The following ATP2C2 variants were observed in gnomAD, a reference collection of about 807,000 sequenced individuals.
The protein encoded by ATP2C2 is ATPase secretory pathway Ca2+ transporting 2, also known as calcium-transporting ATPase type 2C member 2.
In ATP2C2, 171 loss-of-function variants were observed where a neutral mutation model predicts 110.8. That is an observed-to-expected ratio of 1.54 (90% CI 1.36 to 1.75). The LOEUF (loss-of-function observed/expected upper bound fraction) is 1.75, where lower values mean the gene tolerates loss of function less well. ATP2C2 is among the 40% of genes most tolerant of loss of function. The pLI is 0.00. For synonymous variants in ATP2C2, 804 were observed against 508.4 expected, an observed-to-expected ratio of 1.58 and a Z score of -7.82; for missense variants, 1,963 against 1,235.0, an observed-to-expected ratio of 1.59 and a Z score of -8.84.
chr16:84,397,911 C>T (rs766692697), intron 1 of ATP2C2, among the ~76,000 whole-genome samples: 3 of 151,746 alleles, frequency 2.0e-5, no homozygotes, highest in Non-Finnish European at 4.4e-5. Flanking sequence ...GGCACCATTT[C>T]CATAAAGTTC....
intron 6 of ATP2C2, among the ~76,000 whole-genome samples, chr16:84,411,543 G>C (rs1461852974): frequency 6.6e-6 from 1 of 152,144 alleles, no homozygotes; most frequent in African/African-American, 2.4e-5. Flanking sequence ...CTGGGTTCAA[G>C]CAGTTCTCCT....
chr16:84,459,753 G>A lies in ATP2C2; in HGVS notation c.2333+367G>A, dbSNP rs145418686. 1.7e-5 allele frequency: 11 copies of A among 631,036 alleles called. No individual in the cohort carries two copies. In the East Asian group the frequency reaches 3.1e-4, roughly 18 times the overall value. The allele number at this position is 631,036 out of a possible 1,614,324, so 39.1% of individuals were successfully genotyped here. ...CCTCACCCTGCTGTATTTTTCCCTA[G>A]AGAGGAAGATACACACAGACACACT... is the stretch of plus-strand genomic sequence containing the variant. On this transcript the variant is annotated intron_variant, in intron 23 of 26. Transcript: ENST00000262429.
At chr16:84,409,802 C>T (rs1489525296) in intron 4 of ATP2C2, among the ~76,000 whole-genome samples, 2 of 152,184 alleles carry the variant, frequency 1.3e-5, no homozygotes, top group Non-Finnish European at 2.9e-5. Context: ...TGTGCCTGGC[C>T]TGAGCACCTT....
chr16:84,448,508 ATTTCT>A lies in ATP2C2; in HGVS notation c.1504-23_1504-19del. The A allele has an allele frequency of 6.3e-7, 1 of 1,595,218 alleles. No individual in the cohort carries two copies. The highest frequency in any genetic ancestry group is 8.6e-7 in the Non-Finnish European group (1 of 1,167,270). The stretch of plus-strand genomic sequence containing the variant: ...GAACCAAGGCTTCCAGTGATAGTGG[ATTTCT>A]TCCCTTTGTCTTTTCTAAGGATCAG... On this transcript the variant is annotated intron_variant, in intron 16 of 26. Transcript: ENST00000262429.
chr16:84,410,634 A>G, intron 5 of ATP2C2, 31 bp downstream of exon 5: 1 of 1,613,852 alleles, frequency 6.2e-7, no homozygotes, highest in South Asian at 1.1e-5. Flanking sequence ...CAGTCAGGGT[A>G]AGCTGGGCGG....
intron 1 of ATP2C2, among the ~76,000 whole-genome samples, chr16:84,370,411 T>C (rs1265659367): frequency 6.6e-6 from 1 of 152,188 alleles, no homozygotes; most frequent in African/African-American, 2.4e-5. Flanking sequence ...GAAGCCATGC[T>C]GTCTCCAGAG....
intron 1 of ATP2C2, among the ~76,000 whole-genome samples, chr16:84,384,300 C>A (rs1904293943): frequency 6.6e-6 from 1 of 152,188 alleles, no homozygotes; most frequent in Non-Finnish European, 1.5e-5. Flanking sequence ...GTATTCTCGA[C>A]CTTTTTAGAG....
intron 1 of ATP2C2, among the ~76,000 whole-genome samples, chr16:84,378,691 C>T (rs900162172): frequency 6.6e-6 from 1 of 152,202 alleles, no homozygotes; most frequent in African/African-American, 2.4e-5. Context: ...AGAAAGCGCT[C>T]AGTGGTGGGG....
At chr16:84,397,466 A>C (rs1176126113) in intron 1 of ATP2C2, among the ~76,000 whole-genome samples, 1 of 151,456 alleles carries the variant, frequency 6.6e-6, no homozygotes, top group Non-Finnish European at 1.5e-5. Context: ...AATTCTGTAA[A>C]ATAAGTTCGC....
intron 7 of ATP2C2, among the ~76,000 whole-genome samples, chr16:84,421,330 C>G (rs1454879082): frequency 6.6e-6 from 1 of 152,252 alleles, no homozygotes; most frequent in Non-Finnish European, 1.5e-5. Context: ...ACGGGCATTA[C>G]CTGGGTGACA....
intron 15 of ATP2C2, among the ~76,000 whole-genome samples, chr16:84,445,905 C>G (rs1939652474): frequency 6.6e-6 from 1 of 152,154 alleles, no homozygotes; most frequent in Non-Finnish European, 1.5e-5. Context: ...CAAAAGCCAC[C>G]AAAGAGCAAC....
intron 17 of ATP2C2, among the ~76,000 whole-genome samples, chr16:84,450,790 C>T (rs1042568273): frequency 2.0e-5 from 3 of 152,110 alleles, no homozygotes; most frequent in African/African-American, 4.8e-5. Context: ...CAGCAAGAGT[C>T]CCCTCAGCTG....
chr16:84,413,070 C>T (rs247812), intron 6 of ATP2C2, among the ~76,000 whole-genome samples: 16,486 of 149,924 alleles, frequency 0.11, 1,125 homozygotes, highest in East Asian at 0.32. Context: ...TGTACTCCAG[C>T]CTGTGCGATA....
At chr16:84,378,554 A>G (rs555962295) in intron 1 of ATP2C2, among the ~76,000 whole-genome samples, 2 of 152,220 alleles carry the variant, frequency 1.3e-5, no homozygotes, top group Non-Finnish European at 2.9e-5. Flanking sequence ...AGTAATCAAA[A>G]AAGAGTAAGT....
At chr16:84,462,202 G>A in intron 26 of ATP2C2, 73 bp downstream of exon 26, 6 of 1,561,008 alleles carry the variant, frequency 3.8e-6, no homozygotes, top group South Asian at 1.2e-5. Flanking sequence ...CAGGTGGGGA[G>A]CTGCAGCCCA....
intron 1 of ATP2C2, among the ~76,000 whole-genome samples, chr16:84,397,334 C>G (rs1328408206): frequency 6.6e-6 from 1 of 151,470 alleles, no homozygotes; most frequent in Non-Finnish European, 1.5e-5. Context: ...GTGATACCAC[C>G]TATCATCAGT....
At chr16:84,373,758 A>G (rs903877749) in intron 1 of ATP2C2, among the ~76,000 whole-genome samples, 2 of 152,200 alleles carry the variant, frequency 1.3e-5, no homozygotes, top group African/African-American at 4.8e-5. Context: ...AAAAAATCCT[A>G]GAACCACATC....
Position 84,425,654 on chromosome 16 carries a change from T to C in ATP2C2, c.920-81T>C. The C allele has an allele frequency of 2.7e-6, 4 of 1,492,008 alleles. 1 individual carries two copies. In the South Asian group the frequency reaches 4.5e-5, roughly 17 times the overall value. The allele number at this position is 1,492,008 out of a possible 1,614,324, so 92.4% of individuals were successfully genotyped here. A position where few individuals can be genotyped will look rare whatever the true frequency, so the allele number is the denominator to read the frequency against. ...TGTGCATGCATTCCTGTAAACTCTT[T>C]AAGGAAGTGAGTTTGAATCCCTCCA... On this transcript the variant is annotated intron_variant, in intron 10 of 26. Transcript: ENST00000262429.
At chr16:84,442,433 A>T in intron 14 of ATP2C2, 77 bp from the exon 15 acceptor site, 2 of 1,409,204 alleles carry the variant, frequency 1.4e-6, no homozygotes, top group Non-Finnish European at 2.0e-6. Flanking sequence ...CAGCTGTAAA[A>T]ATGGGACAGG....
Sources: gnomAD v4.1 joint callset for allele counts (sites outside exome capture counted in the v4.1 genomes callset) on GRCh38, gnomAD v4.1.1 for gene constraint, MANE v1.5 for transcripts, NCBI Gene and HGNC (gene_info 2026-07-23, HGNC 2026-07-21) for gene names.